RRAGD: variants seen among roughly 807,000 people sequenced by gnomAD.
The protein encoded by RRAGD is ras-related GTP-binding protein D.
In RRAGD, 12 loss-of-function variants were observed where a neutral mutation model predicts 35.5. That is an observed-to-expected ratio of 0.34 (90% CI 0.22 to 0.55). RRAGD has a LOEUF of 0.55. Ranked by LOEUF, RRAGD falls within the 20% of genes least tolerant of loss-of-function variation. The probability of loss-of-function intolerance (pLI) is 0.91; values close to 1 mark genes in which losing one functional copy is unlikely to be tolerated. For missense variants in RRAGD, 324 were observed against 490.1 expected, an observed-to-expected ratio of 0.66 and a Z score of 3.20; for synonymous variants, 155 against 178.9, an observed-to-expected ratio of 0.87 and a Z score of 1.07.
intron 1 of RRAGD, among the ~76,000 whole-genome samples, chr6:89,410,547 A>G (rs550420243): frequency 9.8e-5 from 15 of 152,370 alleles, no homozygotes; most frequent in Admixed American, 3.3e-4. Flanking sequence ...GGAGTGCAGA[A>G]GACAGAAAGC....
At chr6:89,389,460 G>C (rs1264970308) in intron 1 of RRAGD, among the ~76,000 whole-genome samples, 1 of 151,176 alleles carries the variant, frequency 6.6e-6, no homozygotes, top group Non-Finnish European at 1.5e-5. Flanking sequence ...GGAGGCTGAG[G>C]CAGGAGAATG....
intron 5 of RRAGD, among the ~76,000 whole-genome samples, chr6:89,377,143 TAATC>T (rs779065021): frequency 1.6e-4 from 25 of 152,262 alleles, no homozygotes; most frequent in African/African-American, 5.3e-4. Context: ...AAATGTGTGT[TAATC>T]AATCATTCAT....
chr6:89,410,371 G>A (rs1019481847), intron 1 of RRAGD, among the ~76,000 whole-genome samples: 1 of 152,000 alleles, frequency 6.6e-6, no homozygotes, highest in Admixed American at 6.6e-5. Flanking sequence ...GCATCTCTCC[G>A]GAGTCTTCTA....
chr6:89,390,257 T>C (rs546586091), intron 1 of RRAGD, among the ~76,000 whole-genome samples: 2 of 152,272 alleles, frequency 1.3e-5, no homozygotes, highest in South Asian at 4.1e-4. Context: ...GAGAAAACAT[T>C]TGCAAATCAT....
chr6:89,391,956 C>CAAAA (rs5878093), intron 1 of RRAGD, among the ~76,000 whole-genome samples: 4,790 of 98,814 alleles, frequency 0.048, 143 homozygotes, highest in Middle Eastern at 0.067. Flanking sequence ...GACCCTATCT[C>CAAAA]AAAAAAAAAA....
intron 1 of RRAGD, 112 bp from the exon 2 acceptor site, chr6:89,387,702 T>C: frequency 1.9e-6 from 2 of 1,048,086 alleles, no homozygotes; most frequent in Non-Finnish European, 2.8e-6. Flanking sequence ...ATGCCACTCT[T>C]CCAAAGAGTG....
chr6:89,369,407 T>G (rs1368078324), intron 6 of RRAGD, among the ~76,000 whole-genome samples: 2 of 152,208 alleles, frequency 1.3e-5, no homozygotes, highest in Non-Finnish European at 2.9e-5. Flanking sequence ...AGAACTTGGC[T>G]CAATGAGAAG....
At chr6:89,388,838 G>A (rs985082978) in intron 1 of RRAGD, among the ~76,000 whole-genome samples, 19 of 152,218 alleles carry the variant, frequency 1.2e-4, no homozygotes, top group Admixed American at 1.1e-3. Flanking sequence ...ACAGTCCCAT[G>A]TGGGGTTGAT....
chr6:89,376,695 T>C (rs1768954008), intron 5 of RRAGD, among the ~76,000 whole-genome samples: 1 of 151,184 alleles, frequency 6.6e-6, no homozygotes, highest in Non-Finnish European at 1.5e-5. Context: ...TTATATTAAG[T>C]GTATAGGAAG....
intron 1 of RRAGD, among the ~76,000 whole-genome samples, chr6:89,389,004 C>G (rs1391316143): frequency 6.6e-6 from 1 of 152,178 alleles, no homozygotes; most frequent in East Asian, 1.9e-4. Flanking sequence ...GTAATGCGAG[C>G]AATGGGGAGT....
At chr6:89,381,446 C>CCT (rs752426001) in intron 2 of RRAGD, among the ~76,000 whole-genome samples, 9 of 152,142 alleles carry the variant, frequency 5.9e-5, no homozygotes, top group Non-Finnish European at 1.0e-4. Flanking sequence ...ACACAAAAGC[C>CCT]CTCTGTGTTT....
At chr6:89,372,841 G>A (rs1768876302) in intron 5 of RRAGD, among the ~76,000 whole-genome samples, 1 of 152,256 alleles carries the variant, frequency 6.6e-6, no homozygotes, top group African/African-American at 2.4e-5. Context: ...GAAGCCAGTT[G>A]AAGGATGAGG....
Position 89,364,649 on chromosome 6 carries a change from T to C in RRAGD, c.*3407A>G, listed in dbSNP as rs928179230. On this transcript the variant is annotated 3_prime_UTR_variant, in exon 7 of 7. Coordinates refer to ENST00000369415, the MANE Select transcript of RRAGD (RefSeq NM_021244.5). ...AAAAGCATAAATTAAATTTAAGTAG[T>C]GAGATTTATCATCATTTCCATAAAA... 4.6e-5 allele frequency: 7 copies of C among 152,158 alleles called. No homozygotes were observed. Among genetic ancestry groups the C allele is most frequent in the Non-Finnish European group, 8.8e-5 (6 of 68,040 alleles). 9.4% of individuals were successfully genotyped at this position (152,158 alleles called of 1,614,324 possible).
chr6:89,378,121 G>A (rs148755340), intron 4 of RRAGD, among the ~76,000 whole-genome samples: 102 of 152,170 alleles, frequency 6.7e-4, no homozygotes, highest in Middle Eastern at 3.4e-3. Flanking sequence ...CTGACCAACC[G>A]GGAGAAACCT....
chr6:89,412,112 C>T lies in RRAGD; in HGVS notation c.-119G>A. 1.0e-6 allele frequency: 1 copy of T among 1,001,650 alleles called. No homozygotes were observed. Among genetic ancestry groups the T allele is most frequent in the Non-Finnish European group, 1.3e-6 (1 of 767,172 alleles). The allele number at this position is 1,001,650 out of a possible 1,614,324, so 62.0% of individuals were successfully genotyped here. Reference sequence around the variant, plus strand: ...GAGGTTTGTCTAGAGCTCAGCGGGGCCCGGCGGAAGCGGGGGCCGCGCGTC... The same window carrying T: ...GAGGTTTGTCTAGAGCTCAGCGGGGTCCGGCGGAAGCGGGGGCCGCGCGTC... On this transcript the variant is annotated 5_prime_UTR_variant, in exon 1 of 7. Coordinates refer to ENST00000369415, the MANE Select transcript of RRAGD (RefSeq NM_021244.5). The surrounding 1 kb of genome is among the most constrained non-coding windows in gnomAD (Gnocchi z 4.2).
At chr6:89,382,400 A>AATATAT (rs58343827) in intron 2 of RRAGD, among the ~76,000 whole-genome samples, 44,380 of 130,466 alleles carry the variant, frequency 0.34, 8,476 homozygotes, top group South Asian at 0.42. Context: ...TATCTCTAGA[A>AATATAT]ATATATATAT....
At chr6:89,390,172 A>G (rs894978146) in intron 1 of RRAGD, among the ~76,000 whole-genome samples, 2 of 151,444 alleles carry the variant, frequency 1.3e-5, no homozygotes, top group Non-Finnish European at 2.9e-5. Flanking sequence ...GCAAAAGCAC[A>G]AGCAACAGAA....
At chr6:89,407,402 C>T (rs1229865727) in intron 1 of RRAGD, among the ~76,000 whole-genome samples, 1 of 152,210 alleles carries the variant, frequency 6.6e-6, no homozygotes, top group African/African-American at 2.4e-5. Flanking sequence ...CTTTGGGAGG[C>T]CAAGGCAGGT....
At chr6:89,384,003 T>C (rs1201046933) in intron 2 of RRAGD, among the ~76,000 whole-genome samples, 1 of 151,168 alleles carries the variant, frequency 6.6e-6, no homozygotes, top group Non-Finnish European at 1.5e-5. Flanking sequence ...CTCAGGAGGC[T>C]GAGGGAGGAG....
Sources: allele counts gnomAD v4.1 joint callset (sites outside exome capture counted in the v4.1 genomes callset), GRCh38; gene constraint gnomAD v4.1.1; non-coding constraint Gnocchi (gnomAD v3.1); transcripts MANE v1.5; gene names NCBI Gene and HGNC (gene_info 2026-07-23, HGNC 2026-07-21).